TDRD15: variants seen among roughly 807,000 people sequenced by gnomAD.
TDRD15 encodes tudor domain-containing protein 15.
For synonymous variants in TDRD15, 503 were observed against 314.5 expected (o/e 1.60, Z -6.34); for missense variants, 1,416 against 904.7 (o/e 1.57, Z -7.25).
At chr2:21,128,617 C>T (rs372431662) in intron 2 of TDRD15, among the ~76,000 whole-genome samples, 71 of 152,178 alleles carry the variant, frequency 4.7e-4, no homozygotes, top group East Asian at 2.9e-3. Flanking sequence ...CCACCATGCC[C>T]GGCCTGTATT....
rs971473346 is a variant in TDRD15, at chr2:21,141,644, G to T, written c.4177G>T (p.Glu1393Ter). 2.8e-6 allele frequency: 2 copies of T among 714,106 alleles called. No homozygotes were observed. Among genetic ancestry groups the T allele is most frequent in the East Asian group, 2.7e-5 (1 of 37,232 alleles). The allele number at this position is 714,106 out of a possible 1,614,324, so 44.2% of individuals were successfully genotyped here. A position where few individuals can be genotyped will look rare whatever the true frequency, so the allele number is the denominator to read the frequency against. ...AATAGTAAACACATCTAAAATTTAC[G>T]AACTTCAGAGGGAATTTTTAACTGT... Reference protein sequence around the residue: ...SAIVNTSKIYELQREFLTVPQ... With the variant: ...SAIVNTSKIY Residue 1393 changes from glutamate to a stop codon, truncating the protein, a stop_gained, in exon 4 of 4, where the codon GAA becomes TAA. Transcript: ENST00000405799. LOFTEE classifies it low-confidence loss of function (END_TRUNC).
chr2:21,125,445 T>TGTGTGTGTGA (rs1422103987), intron 1 of TDRD15, among the ~76,000 whole-genome samples: 1 of 151,312 alleles, frequency 6.6e-6, no homozygotes, highest in Admixed American at 6.6e-5. Flanking sequence ...TGTGTGTGTG[T>TGTGTGTGTGA]GTGTGAGTGT....
chr2:21,145,407 T>C (rs1226197813), downstream of TDRD15, among the ~76,000 whole-genome samples: 1 of 151,986 alleles, frequency 6.6e-6, no homozygotes, highest in Non-Finnish European at 1.5e-5. Context: ...CATACCTGTG[T>C]ATATGTCTAC....
chr2:21,141,119 G>C lies in TDRD15; in HGVS notation c.3652G>C (p.Glu1218Gln), dbSNP rs555848833. ...FLKPSVCYKM[E>Q]PVSKNKMKTS... ...GAAGCCATCAGTTTGTTATAAAATG[G>C]AACCTGTGTCAAAAAACAAAATGAA... is the stretch of plus-strand genomic sequence containing the variant. Residue 1218 changes from glutamate to glutamine, a missense_variant, in exon 4 of 4, where the codon GAA (glutamate) becomes CAA (glutamine). Coordinates refer to ENST00000405799, the MANE Select transcript of TDRD15 (RefSeq NM_001306137.2). 2 of 710,328 alleles carry C rather than the reference G, an allele frequency of 2.8e-6. No individual in the cohort carries two copies. Among genetic ancestry groups the C allele is most frequent in the Non-Finnish European group, 5.2e-6 (2 of 382,636 alleles). 44.0% of individuals were successfully genotyped at this position (710,328 alleles called of 1,614,324 possible). A position where few individuals can be genotyped will look rare whatever the true frequency, so the allele number is the denominator to read the frequency against.
At chr2:21,144,981 G>A (rs1033467759), downstream of TDRD15, among the ~76,000 whole-genome samples, 3 of 151,206 alleles carry the variant, frequency 2.0e-5, no homozygotes, top group Non-Finnish European at 1.5e-5. Flanking sequence ...AAAAAGAAAA[G>A]GAGGAGGAAG....
chr2:21,137,419 G>T (rs1401408396), intron 3 of TDRD15, 46 bp from the exon 4 acceptor site: 1 of 578,534 alleles, frequency 1.7e-6, no homozygotes, highest in Middle Eastern at 2.9e-4. Context: ...AAGGCTAATT[G>T]CAGTTAACTT....
downstream of TDRD15, among the ~76,000 whole-genome samples, chr2:21,144,489 G>A (rs1666001624): frequency 6.6e-6 from 1 of 151,838 alleles, no homozygotes; most frequent in Non-Finnish European, 1.5e-5. Context: ...ATGTTTTATA[G>A]TGAATTGATA....
At chr2:21,144,394 A>G (rs114624699), downstream of TDRD15, among the ~76,000 whole-genome samples, 605 of 151,928 alleles carry the variant, frequency 4.0e-3, 3 homozygotes, top group African/African-American at 0.014. Context: ...CTAATGTCAT[A>G]ACAGGCTATA....
Position 21,128,797 on chromosome 2 carries a change from C to CT in TDRD15, c.-90+1099dup, listed in dbSNP as rs572312845. On this transcript the variant is annotated intron_variant, in intron 2 of 3. Transcript: ENST00000405799. ...TGGCATTTTGAAAAGAATTTTGTTT[C>CT]TTTTTTTTTTTTTCTTCACTGTCAG... Among the ~76,000 whole-genome samples, 322 of 139,558 alleles carry CT rather than the reference C, an allele frequency of 2.3e-3. 2 individuals carry two copies. The highest frequency in any genetic ancestry group is 0.02 in the South Asian group (90 of 4,398). 91.6% of individuals were successfully genotyped at this position (139,558 alleles called of 152,430 possible).
chr2:21,132,298 A>G (rs1266655367), intron 2 of TDRD15, among the ~76,000 whole-genome samples: 2 of 152,132 alleles, frequency 1.3e-5, no homozygotes, highest in Non-Finnish European at 2.9e-5. Flanking sequence ...TCACTCAGTG[A>G]AATTAGAAGC....
intron 3 of TDRD15, among the ~76,000 whole-genome samples, chr2:21,136,575 C>G (rs79538365): frequency 0.017 from 2,540 of 152,020 alleles, 70 homozygotes; most frequent in East Asian, 0.14. Flanking sequence ...CTTACTCATC[C>G]TCATAGAAAT....
chr2:21,145,760 C>T (rs1288930853), downstream of TDRD15, among the ~76,000 whole-genome samples: 1 of 151,798 alleles, frequency 6.6e-6, no homozygotes, highest in Non-Finnish European at 1.5e-5. Context: ...CAGCTCCTAC[C>T]ACCTCTATTA....
Position 21,138,687 on chromosome 2 carries a change from C to T in TDRD15, c.1220C>T (p.Thr407Ile). The T allele has an allele frequency of 2.8e-6, 2 of 715,710 alleles. No homozygotes were observed. Among genetic ancestry groups the T allele is most frequent in the Non-Finnish European group, 5.2e-6 (2 of 384,120 alleles). 44.3% of individuals were successfully genotyped at this position (715,710 alleles called of 1,614,324 possible). ...YYVTLQTQES[T>I]VNSKCLLKTV... ...GTGACATTACAAACTCAAGAGTCTA[C>T]AGTTAATTCTAAGTGTCTACTGAAG... Residue 407 changes from threonine (T) to isoleucine (I), a missense_variant, in exon 4 of 4, where the codon ACA becomes ATA. Transcript: ENST00000405799.
rs540758639 is a variant in TDRD15 at position 21,141,897 on chromosome 2, A to G, written c.4430A>G (p.Lys1477Arg). ...LKWKACSKLQ[K>R]SALQMPQVLS... ...TGGAAAGCATGTTCAAAACTGCAGA[A>G]GTCAGCATTGCAGATGCCTCAGGTT... The change falls in exon 4 of 4, where the codon AAG (lysine) becomes AGG (arginine). Residue 1477 changes from lysine (K) to arginine (R), a missense_variant. Transcript: ENST00000405799. 4.1e-4 allele frequency: 295 copies of G among 715,488 alleles called. No individual in the cohort carries two copies. Among genetic ancestry groups the G allele is most frequent in the Non-Finnish European group, 5.9e-4 (225 of 383,674 alleles). The allele number at this position is 715,488 out of a possible 1,614,324, so 44.3% of individuals were successfully genotyped here.
intron 1 of TDRD15, among the ~76,000 whole-genome samples, chr2:21,124,976 A>T (rs1665554971): frequency 1.4e-5 from 2 of 141,282 alleles, no homozygotes. Context: ...TGACTGAGAG[A>T]TCCTAATATT....
At position 21,137,746 on chromosome 2, in the gene TDRD15, C is replaced by T. The variant is rs1204393726; in HGVS notation, c.279C>T (p.Leu93=). The T allele has an allele frequency of 4.2e-6, 3 of 716,514 alleles. No individual in the cohort carries two copies. In the African/African-American group the frequency reaches 5.2e-5, roughly 13 times the overall value. The allele number at this position is 716,514 out of a possible 1,614,324, so 44.4% of individuals were successfully genotyped here. Residue 93 remains leucine, a synonymous_variant, in exon 4 of 4, where the codon CTC becomes CTT. Coordinates refer to ENST00000405799, the MANE Select transcript of TDRD15 (RefSeq NM_001306137.2). ...EKKNELYTVL[L]IDRGEELRVA... is the part of the protein sequence containing the mutation. Reference sequence around the variant, plus strand: ...AAAATGAACTCTATACAGTGCTCCTCATAGATCGCGGAGAAGAACTAAGAG... The same window carrying T: ...AAAATGAACTCTATACAGTGCTCCTTATAGATCGCGGAGAAGAACTAAGAG...
In TDRD15 at chr2:21,137,987, T is replaced by C. The variant is rs1450824077; in HGVS notation, c.520T>C (p.Ser174Pro). The change falls in exon 4 of 4, where the codon TCT becomes CCT. Residue 174 changes from serine to proline, a missense_variant. Physicochemically the swap from Ser to Pro is moderately conservative, Grantham distance 74. Transcript: ENST00000405799. ...TCTTTTTGAAGTGCCAAAAATTATA[T>C]CTCAGGCTCTCGAGTTACAATTAGG... Reference protein sequence around the residue: ...MFLFEVPKIISQALELQLGRL... With the variant: ...MFLFEVPKIIPQALELQLGRL... 1.4e-6 allele frequency: 1 copy of C among 716,758 alleles called. No homozygotes were observed. The highest frequency in any genetic ancestry group is 2.6e-6 in the Non-Finnish European group (1 of 384,538). 44.4% of individuals were successfully genotyped at this position (716,758 alleles called of 1,614,324 possible).
rs1359328178 is a variant in TDRD15, at chr2:21,143,533, C to T, written c.*261C>T. ...ATGTACAACAGCTTCATTTTGGGAA[C>T]TGCCTGATGGTTTGAAGAACAGCAG... On this transcript the variant is annotated 3_prime_UTR_variant, in exon 4 of 4. Transcript: ENST00000405799. 6.6e-6 allele frequency among the ~76,000 whole-genome samples: 1 copy of T among 151,562 alleles called. No individual in the cohort carries two copies. Among genetic ancestry groups the T allele is most frequent in the African/African-American group, 2.4e-5 (1 of 41,376 alleles).
At chr2:21,129,041 A>G (rs550534439) in intron 2 of TDRD15, among the ~76,000 whole-genome samples, 35 of 152,198 alleles carry the variant, frequency 2.3e-4, no homozygotes, top group African/African-American at 5.5e-4. Context: ...GGGTCGAGCC[A>G]TCCTCCCACC....
Sources: allele counts gnomAD v4.1 joint callset (sites outside exome capture counted in the v4.1 genomes callset), GRCh38; gene constraint gnomAD v4.1.1; transcripts MANE v1.5; gene names NCBI Gene and HGNC (gene_info 2026-07-23, HGNC 2026-07-21).